DLG2: variants seen among roughly 807,000 people sequenced by gnomAD.
DLG2 encodes the protein disks large homolog 2.
In DLG2, 45 loss-of-function variants were observed where a neutral mutation model predicts 132.5. The ratio of observed to expected loss-of-function variants is 0.34; its 90% confidence interval spans 0.27 to 0.44. DLG2 has a LOEUF of 0.44. DLG2 is among the 20% of genes least tolerant of loss of function. The pLI is 1.00. For synonymous variants in DLG2, 424 were observed against 419.6 expected (o/e 1.01, Z -0.13); for missense variants, 1,045 against 1,196.9 (o/e 0.87, Z 1.87).
intron 4 of DLG2, among the ~76,000 whole-genome samples, chr11:85,260,573 C>T (rs1565229093): frequency 1.3e-5 from 2 of 152,122 alleles, no homozygotes; most frequent in Non-Finnish European, 2.9e-5. Flanking sequence ...TTAAATAACA[C>T]CTATTAAAAT....
chr11:84,047,598 G>A (rs1286954286), intron 11 of DLG2, among the ~76,000 whole-genome samples: 1 of 151,548 alleles, frequency 6.6e-6, no homozygotes, highest in African/African-American at 2.4e-5. Context: ...AACTTTAAAT[G>A]TTGAAAAACC....
At chr11:84,239,670 T>A (rs1415083558) in intron 8 of DLG2, among the ~76,000 whole-genome samples, 3 of 152,206 alleles carry the variant, frequency 2.0e-5, no homozygotes. Flanking sequence ...TTACAACCAG[T>A]GGTTTCTGAA....
chr11:84,564,991 C>CTCTAAATTCTTTTG (rs1380353474), intron 6 of DLG2, among the ~76,000 whole-genome samples: 2 of 152,168 alleles, frequency 1.3e-5, no homozygotes, highest in Admixed American at 1.3e-4. Flanking sequence ...CAGGTAGATT[C>CTCTAAATTCTTTTG]TCTAAATTCT....
intron 9 of DLG2, among the ~76,000 whole-genome samples, chr11:84,142,197 G>A (rs2094881300): frequency 6.6e-6 from 1 of 151,920 alleles, no homozygotes; most frequent in Non-Finnish European, 1.5e-5. Flanking sequence ...AGCTACTTGG[G>A]AGGCTGAGGC....
chr11:84,590,151 C>T (rs538647067), intron 6 of DLG2, among the ~76,000 whole-genome samples: 1 of 152,302 alleles, frequency 6.6e-6, no homozygotes, highest in African/African-American at 2.4e-5. Context: ...TTTACACTTG[C>T]TGTCACACAT....
At chr11:83,663,802 T>C (rs1249556366) in intron 18 of DLG2, among the ~76,000 whole-genome samples, 4 of 152,232 alleles carry the variant, frequency 2.6e-5, no homozygotes, top group East Asian at 1.9e-4. Context: ...TTGATTTTCC[T>C]TGGAAGCCTC....
intron 18 of DLG2, among the ~76,000 whole-genome samples, chr11:83,744,332 A>G (rs977926528): frequency 6.6e-6 from 1 of 152,210 alleles, no homozygotes; most frequent in Admixed American, 6.5e-5. Context: ...TACATAGGAT[A>G]GTTTCTATTT....
chr11:83,892,895 C>A (rs2070381403), intron 15 of DLG2, among the ~76,000 whole-genome samples: 1 of 152,086 alleles, frequency 6.6e-6, no homozygotes. Context: ...AAATAAAGAC[C>A]ATGATCTTCA....
intron 18 of DLG2, among the ~76,000 whole-genome samples, chr11:83,706,352 A>C (rs775804035): frequency 5.3e-5 from 8 of 152,112 alleles, no homozygotes; most frequent in Non-Finnish European, 1.0e-4. Flanking sequence ...TAGACATGGT[A>C]CTGGAGACAG....
intron 8 of DLG2, among the ~76,000 whole-genome samples, chr11:84,233,380 C>A (rs1373857775): frequency 1.3e-5 from 2 of 152,166 alleles, no homozygotes; most frequent in Non-Finnish European, 2.9e-5. Context: ...TAATAAAGAG[C>A]AGCCTGAAAA....
At chr11:84,910,087 G>GA (rs753028479) in intron 6 of DLG2, among the ~76,000 whole-genome samples, 3 of 152,212 alleles carry the variant, frequency 2.0e-5, no homozygotes, top group Admixed American at 6.5e-5. Context: ...CAGTGGACTG[G>GA]AAGGAAGGGA....
intron 6 of DLG2, among the ~76,000 whole-genome samples, chr11:84,634,974 G>T (rs913659190): frequency 7.9e-5 from 12 of 152,218 alleles, no homozygotes; most frequent in Admixed American, 2.6e-4. Context: ...GGTCAATCCA[G>T]AAGTTCCTCA....
At chr11:85,262,168 G>C (rs1267884043) in intron 4 of DLG2, among the ~76,000 whole-genome samples, 1 of 152,130 alleles carries the variant, frequency 6.6e-6, no homozygotes, top group African/African-American at 2.4e-5. Context: ...TGGGGACAAG[G>C]GTCCCACCTA....
At chr11:85,310,254 T>G (rs1233426892) in intron 3 of DLG2, among the ~76,000 whole-genome samples, 1 of 152,234 alleles carries the variant, frequency 6.6e-6, no homozygotes, top group East Asian at 1.9e-4. Context: ...TTGCTCAGCA[T>G]TCTTATGCTG....
intron 6 of DLG2, among the ~76,000 whole-genome samples, chr11:84,906,866 T>C (rs2091576482): frequency 6.6e-6 from 1 of 152,192 alleles, no homozygotes; most frequent in Non-Finnish European, 1.5e-5. Context: ...CATTCCCTTC[T>C]TCTTTAAACT....
At chr11:84,983,893 AG>A (rs200880210) in intron 6 of DLG2, among the ~76,000 whole-genome samples, 1,737 of 152,312 alleles carry the variant, frequency 0.011, 44 homozygotes, top group African/African-American at 0.04. Context: ...AGCAGAAGAA[AG>A]AACTTCAGAG....
intron 7 of DLG2, among the ~76,000 whole-genome samples, chr11:84,436,487 G>C (rs2099001132): frequency 6.6e-6 from 1 of 152,174 alleles, no homozygotes; most frequent in Non-Finnish European, 1.5e-5. Flanking sequence ...AAGATACTGG[G>C]CTGAAGATCA....
chr11:85,488,042 T>G (rs1426741269), intron 3 of DLG2, among the ~76,000 whole-genome samples: 2 of 152,178 alleles, frequency 1.3e-5, no homozygotes, highest in Non-Finnish European at 1.5e-5. Context: ...GATGGTTTTA[T>G]TAGGGATTTT....
At position 84,734,121 on chromosome 11, in the gene DLG2, G is replaced by C. The variant is rs923152686; in HGVS notation, c.358-199390C>G. Among the ~76,000 whole-genome samples the C allele has an allele frequency of 4.6e-5, 7 of 152,244 alleles. No individual in the cohort carries two copies. In the South Asian group the frequency reaches 8.3e-4, roughly 18 times the overall value. ...GCTTAGGATTGATTTGGCAATGCGG[G>C]CTCTTTTTTGGTTCCATATGAACTT... On this transcript the variant is annotated intron_variant, in intron 6 of 27. Transcript: ENST00000376104.
Sources: allele counts gnomAD v4.1 joint callset (sites outside exome capture counted in the v4.1 genomes callset), GRCh38; gene constraint gnomAD v4.1.1; transcripts MANE v1.5; gene names NCBI Gene and HGNC (gene_info 2026-07-23, HGNC 2026-07-21).